DNAH6: variants seen among roughly 807,000 people sequenced by gnomAD.
DNAH6 encodes dynein axonemal heavy chain 6, also known as axonemal beta dynein heavy chain 6.
Under a neutral mutation model 491.4 loss-of-function variants are expected in DNAH6, and 340 were observed. The ratio of observed to expected loss-of-function variants is 0.69; its 90% CI spans 0.63 to 0.76. DNAH6 has a LOEUF of 0.76. Ranked by LOEUF, DNAH6 falls within the 30% of genes least tolerant of loss-of-function variation. DNAH6 has a pLI of 0.00. For missense variants in DNAH6, 4,443 were observed against 4,972.2 expected (o/e 0.89, Z 3.20); for synonymous variants, 1,603 against 1,686.1 (o/e 0.95, Z 1.21).
intron 64 of DNAH6, among the ~76,000 whole-genome samples, chr2:84,764,833 GTACC>G (rs1559015157): frequency 6.6e-6 from 1 of 152,170 alleles, no homozygotes; most frequent in Admixed American, 6.5e-5. Flanking sequence ...CTGTTGATGA[GTACC>G]TACCTAAGTT....
the DNAH6 span, among the ~76,000 whole-genome samples, chr2:84,492,108 A>G: frequency 6.6e-6 from 1 of 152,188 alleles, no homozygotes; most frequent in African/African-American, 2.4e-5. Flanking sequence ...CATCTTGGGA[A>G]TGCCTTAGGT....
At chr2:84,710,824 G>A (rs540663657) in intron 56 of DNAH6, among the ~76,000 whole-genome samples, 1 of 151,504 alleles carries the variant, frequency 6.6e-6, no homozygotes, top group African/African-American at 2.4e-5. Context: ...ATTGGATTAA[G>A]TGAATTAGAT....
At chr2:84,575,750 G>T (rs1302685339) in intron 12 of DNAH6, among the ~76,000 whole-genome samples, 1 of 152,196 alleles carries the variant, frequency 6.6e-6, no homozygotes, top group African/African-American at 2.4e-5. Context: ...CGGGTGTGGT[G>T]GCGGGGGCCT....
intron 10 of DNAH6, among the ~76,000 whole-genome samples, chr2:84,555,899 CCT>C (rs1317783651): frequency 6.6e-6 from 1 of 152,170 alleles, no homozygotes; most frequent in Non-Finnish European, 1.5e-5. Flanking sequence ...CTCTGCCACT[CCT>C]CTCCATCGGG....
At chr2:84,636,982 A>G (rs1378920960) in intron 30 of DNAH6, among the ~76,000 whole-genome samples, 2 of 152,190 alleles carry the variant, frequency 1.3e-5, no homozygotes, top group Non-Finnish European at 2.9e-5. Context: ...AGGAAGAGAC[A>G]GTTTGGGCAA....
At chr2:84,738,327 T>G (rs1411140571) in intron 62 of DNAH6, among the ~76,000 whole-genome samples, 1 of 152,136 alleles carries the variant, frequency 6.6e-6, no homozygotes, top group Admixed American at 6.5e-5. Context: ...ATCTTGTGGT[T>G]GTTAGGGAGA....
chr2:84,746,045 G>A (rs1490427323), intron 63 of DNAH6, among the ~76,000 whole-genome samples: 2 of 152,184 alleles, frequency 1.3e-5, no homozygotes, highest in African/African-American at 4.8e-5. Flanking sequence ...CATGCCAAAG[G>A]GGATAGTTGT....
rs374524129 is a variant in DNAH6 at position 84,552,563 on chromosome 2, C to T, written c.1486-355C>T. Among the ~76,000 whole-genome samples the T allele has an allele frequency of 1.3e-4, 20 of 152,216 alleles. No individual in the cohort carries two copies. The East Asian group carries it at 3.3e-3, about 25-fold the overall frequency. ...TTGAATATATTTCTATGTAAAGATT[C>T]ATTAATATATTATTGGCATATATTC... On this transcript the variant is annotated intron_variant, in intron 9 of 76. Transcript: ENST00000389394.
At chr2:84,574,101 T>A (rs1682183782) in intron 12 of DNAH6, among the ~76,000 whole-genome samples, 1 of 152,194 alleles carries the variant, frequency 6.6e-6, no homozygotes, top group African/African-American at 2.4e-5. Flanking sequence ...CAAGTGCAAT[T>A]TCAGGCAAGC....
Position 84,544,314 on chromosome 2 carries a change from C to T in DNAH6, c.744C>T (p.Asp248=), listed in dbSNP as rs1678560767. 4 of 1,534,522 alleles carry T rather than the reference C, an allele frequency of 2.6e-6. No homozygotes were observed. The highest frequency in any genetic ancestry group is 2.5e-5 in the East Asian group (1 of 40,708). ...QRAVTHIYNE[D]IEFIEIDRWE... ...CAGTAACACACATTTATAATGAAGA[C>T]ATTGAATTTATCGAAATTGATCGAT... Residue 248 remains aspartate (D), a synonymous_variant, in exon 5 of 77, where the codon GAC becomes GAT. Coordinates refer to ENST00000389394, the MANE Select transcript of DNAH6 (RefSeq NM_001370.2).
intron 64 of DNAH6, among the ~76,000 whole-genome samples, chr2:84,763,304 A>G (rs901043504): frequency 6.6e-6 from 1 of 152,168 alleles, no homozygotes; most frequent in Non-Finnish European, 1.5e-5. Flanking sequence ...TTCATGTTCT[A>G]TTATTAATCT....
At chr2:84,585,044 A>G (rs563219624) in intron 15 of DNAH6, among the ~76,000 whole-genome samples, 1 of 152,224 alleles carries the variant, frequency 6.6e-6, no homozygotes, top group Non-Finnish European at 1.5e-5. Context: ...GTATACCTTT[A>G]CATGTATTAA....
chr2:84,548,237 A>G lies in DNAH6; in HGVS notation c.1187-51A>G. On this transcript the variant is annotated intron_variant, in intron 7 of 76. Transcript: ENST00000389394. ...TTTTCTTTGAATCATATTGAAAGAGATGGAACTTTTACACAAGTACACTTG... is the reference window on the plus strand; with the variant it reads ...TTTTCTTTGAATCATATTGAAAGAGGTGGAACTTTTACACAAGTACACTTG... The G allele has an allele frequency of 3.3e-6, 5 of 1,532,820 alleles. No homozygotes were observed. In the South Asian group the frequency reaches 6.2e-5, roughly 19 times the overall value. The allele number at this position is 1,532,820 out of a possible 1,614,324, so 95.0% of individuals were successfully genotyped here. A position where few individuals can be genotyped will look rare whatever the true frequency, so the allele number is the denominator to read the frequency against.
chr2:84,570,902 C>T (rs1005383500), intron 11 of DNAH6, among the ~76,000 whole-genome samples: 42 of 152,118 alleles, frequency 2.8e-4, no homozygotes, highest in Non-Finnish European at 1.5e-4. Context: ...TGCGGCTTCA[C>T]TAATGAAGTC....
chr2:84,470,100 A>T, the DNAH6 span, among the ~76,000 whole-genome samples: 153 of 152,260 alleles, frequency 1.0e-3, 3 homozygotes, highest in Middle Eastern at 0.02. Flanking sequence ...GTGCATGCAG[A>T]TGATTTTCCT....
chr2:84,532,603 A>G (rs1196463527), intron 4 of DNAH6, among the ~76,000 whole-genome samples: 2 of 152,130 alleles, frequency 1.3e-5, no homozygotes, highest in Non-Finnish European at 2.9e-5. Context: ...GAAGCTGTGG[A>G]AGGATTTTTT....
At chr2:84,817,068 GA>G (rs1269895346) in intron 76 of DNAH6, among the ~76,000 whole-genome samples, 9 of 152,052 alleles carry the variant, frequency 5.9e-5, no homozygotes, top group African/African-American at 2.2e-4. Context: ...AGAAACACTT[GA>G]ATCATTAGAT....
intron 8 of DNAH6, among the ~76,000 whole-genome samples, chr2:84,549,685 T>A (rs1478893642): frequency 6.6e-6 from 1 of 152,180 alleles, no homozygotes; most frequent in African/African-American, 2.4e-5. Context: ...TGCTACATAT[T>A]TGAATATATT....
chr2:84,761,771 TACATACACACACAC>T (rs1291958493), intron 63 of DNAH6, among the ~76,000 whole-genome samples: 64 of 140,504 alleles, frequency 4.6e-4, no homozygotes, highest in Non-Finnish European at 4.0e-4. Flanking sequence ...CCAACAGCAT[TACATACACACACAC>T]ACATACACAC....
Sources: gnomAD v4.1 joint callset for allele counts (sites outside exome capture counted in the v4.1 genomes callset) on GRCh38, gnomAD v4.1.1 for gene constraint, MANE v1.5 for transcripts, NCBI Gene and HGNC (gene_info 2026-07-23, HGNC 2026-07-21) for gene names.